MFSD8: variants seen among roughly 807,000 people sequenced by gnomAD.
MFSD8 encodes major facilitator superfamily domain-containing protein 8.
In MFSD8, 55 loss-of-function variants were observed where a neutral mutation model predicts 66.4. The ratio of observed to expected loss-of-function variants is 0.83; its 90% CI spans 0.67 to 1.04. The LOEUF is 1.04. Ranked by LOEUF, MFSD8 falls within the 50% of genes least tolerant of loss-of-function variation. The pLI, the probability that MFSD8 is intolerant of heterozygous loss-of-function variation, is 0.00. For missense variants in MFSD8, 550 were observed against 627.6 expected (o/e 0.88, Z 1.32); for synonymous variants, 202 against 212.8 (o/e 0.95, Z 0.44).
intron 5 of MFSD8, among the ~76,000 whole-genome samples, 164 bp from the exon 6 acceptor site, chr4:127,940,161 A>G (rs1739915764): frequency 6.6e-6 from 1 of 152,142 alleles, no homozygotes; most frequent in Admixed American, 6.6e-5. Context: ...GGGTCAAAAA[A>G]TTTCCTCTTT....
intron 3 of MFSD8, among the ~76,000 whole-genome samples, chr4:127,948,926 G>C (rs1459967743): frequency 6.6e-6 from 1 of 152,138 alleles, no homozygotes; most frequent in Non-Finnish European, 1.5e-5. Flanking sequence ...AAATTATCTG[G>C]TTTAGGGTAT....
intron 2 of MFSD8, among the ~76,000 whole-genome samples, chr4:127,952,059 T>G (rs536964695): frequency 1.3e-5 from 2 of 152,030 alleles, no homozygotes; most frequent in Non-Finnish European, 2.9e-5. Flanking sequence ...TCATCCATGG[T>G]GTACATGTAC....
At position 127,920,561 on chromosome 4, in the gene MFSD8, A is replaced by G; in HGVS notation, c.*69T>C. 3 of 1,510,136 alleles carry G rather than the reference A, an allele frequency of 2.0e-6. No homozygotes were observed. The highest frequency in any genetic ancestry group is 2.8e-6 in the Non-Finnish European group (3 of 1,088,942). The allele number at this position is 1,510,136 out of a possible 1,614,324, so 93.5% of individuals were successfully genotyped here. On this transcript the variant is annotated 3_prime_UTR_variant, in exon 12 of 12. Transcript: ENST00000641686. ...GATTCTTGGAGACTGGCTCACCGCA[A>G]TTGTCTAGCAGAGCTTTAGACCAGG...
In MFSD8 at chr4:127,943,709, G is replaced by C. The variant is rs771684464; in HGVS notation, c.439+43C>G. On this transcript the variant is annotated intron_variant, in intron 4 of 11. Coordinates refer to ENST00000641686, the MANE Select transcript of MFSD8 (RefSeq NM_001371596.2). The stretch of plus-strand genomic sequence containing the variant: ...AAAAGTGAGCCATAAATGTCAGAAT[G>C]AATGTGAATATGACACAACCAAACA... The C allele has an allele frequency of 2.5e-6, 4 of 1,612,876 alleles. No individual in the cohort carries two copies. In the Admixed American group the frequency reaches 6.7e-5, roughly 27 times the overall value.
intron 11 of MFSD8, 42 bp from the exon 12 acceptor site, chr4:127,920,878 G>A: frequency 6.3e-7 from 1 of 1,577,442 alleles, no homozygotes; most frequent in African/African-American, 1.3e-5. Context: ...TGATATTGGG[G>A]TTTAGTTATT....
chr4:127,943,674 G>A (rs1310023942), intron 4 of MFSD8, 78 bp downstream of exon 4: 17 of 1,535,094 alleles, frequency 1.1e-5, no homozygotes, highest in Non-Finnish European at 4.5e-6. Flanking sequence ...AAAAGGGGAT[G>A]AGACCAGTTA....
At chr4:127,944,328 T>G (rs1031140392) in intron 3 of MFSD8, among the ~76,000 whole-genome samples, 1 of 152,192 alleles carries the variant, frequency 6.6e-6, no homozygotes, top group East Asian at 1.9e-4. Context: ...TAAGCTATTC[T>G]TTAATTCTTG....
chr4:127,922,021 T>C, intron 9 of MFSD8, 58 bp from the exon 10 acceptor site: 1 of 1,406,030 alleles, frequency 7.1e-7, no homozygotes, highest in Non-Finnish European at 9.9e-7. Context: ...ATAGCTTCAT[T>C]ACTTTCATAA....
chr4:127,961,630 C>A (rs1443299141), intron 1 of MFSD8, among the ~76,000 whole-genome samples: 1 of 151,756 alleles, frequency 6.6e-6, no homozygotes, highest in Non-Finnish European at 1.5e-5. Flanking sequence ...CTGGCTAACA[C>A]GGTGAAACCC....
At position 127,921,869 on chromosome 4, in the gene MFSD8, G is replaced by A. The variant is rs904329013; in HGVS notation, c.1093C>T (p.Gln365Ter). The change falls in exon 10 of 12, where the codon CAG (glutamine) becomes TAG (stop). Residue 365 changes from glutamine (Q) to a stop codon, truncating the protein, a stop_gained. Transcript: ENST00000641686. LOFTEE classifies it high-confidence loss of function. ...LPWGNQFPKI[Q>*]WEDLHNNSIP... ...TTATGTATGGCTATACCTTCCCACT[G>A]TATTTTGGGAAATTGATTTCCCCAA... 1 of 1,613,824 alleles carries A rather than the reference G, an allele frequency of 6.2e-7. No individual in the cohort carries two copies. The highest frequency in any genetic ancestry group is 1.3e-5 in the African/African-American group (1 of 74,902).
Position 127,940,534 on chromosome 4 carries a change from ATATATG to A in MFSD8, c.554-543_554-538del, listed in dbSNP as rs1228784842. On this transcript the variant is annotated intron_variant, in intron 5 of 11. Coordinates refer to ENST00000641686, the MANE Select transcript of MFSD8 (RefSeq NM_001371596.2). ...GTATATGGTATATATATATATATAT[ATATATG>A]TGTGTGTGTGTATATATTTATTATC... Among the ~76,000 whole-genome samples, 140 of 145,774 alleles carry A rather than the reference ATATATG, an allele frequency of 9.6e-4. 1 individual carries two copies. The highest frequency in any genetic ancestry group is 3.4e-3 in the African/African-American group (133 of 38,842).
chr4:127,937,279 T>C (rs1739245535), intron 7 of MFSD8, among the ~76,000 whole-genome samples: 1 of 152,242 alleles, frequency 6.6e-6, no homozygotes, highest in Non-Finnish European at 1.5e-5. Context: ...CATATTCAGC[T>C]TGATCCAAAT....
At chr4:127,956,501 A>G (rs902702552) in intron 2 of MFSD8, among the ~76,000 whole-genome samples, 9 of 137,982 alleles carry the variant, frequency 6.5e-5, no homozygotes, top group African/African-American at 1.9e-4. Flanking sequence ...CTCCGTCTTG[A>G]AAAAAAAAAA....
chr4:127,944,623 G>C (rs1740736196), intron 3 of MFSD8, among the ~76,000 whole-genome samples: 1 of 152,018 alleles, frequency 6.6e-6, no homozygotes, highest in Non-Finnish European at 1.5e-5. Flanking sequence ...CAGAAAAATA[G>C]AAAATGTTAG....
chr4:127,950,214 T>C (rs1741714364), intron 2 of MFSD8, among the ~76,000 whole-genome samples: 1 of 152,146 alleles, frequency 6.6e-6, no homozygotes, highest in South Asian at 2.1e-4. Context: ...CCTGTGTTGT[T>C]TGGAGGAGAT....
chr4:127,947,595 CAGAG>C (rs1021236241), intron 3 of MFSD8, among the ~76,000 whole-genome samples: 3 of 130,892 alleles, frequency 2.3e-5, no homozygotes, highest in Non-Finnish European at 4.9e-5. Context: ...AAAAAAAAAA[CAGAG>C]AGAGAGAGAA....
chr4:127,961,218 T>C (rs1048869037), intron 1 of MFSD8, among the ~76,000 whole-genome samples: 1 of 151,796 alleles, frequency 6.6e-6, no homozygotes, highest in Admixed American at 6.6e-5. Context: ...TGTACATAGG[T>C]TCACTTTACT....
chr4:127,929,083 A>T (rs1261151722), intron 9 of MFSD8, among the ~76,000 whole-genome samples: 1 of 151,988 alleles, frequency 6.6e-6, no homozygotes, highest in Non-Finnish European at 1.5e-5. Flanking sequence ...GCACTTTGGG[A>T]GGCTGAGGCG....
chr4:127,942,680 A>G (rs1043487657), intron 4 of MFSD8, among the ~76,000 whole-genome samples: 7 of 152,008 alleles, frequency 4.6e-5, no homozygotes, highest in Non-Finnish European at 1.0e-4. Flanking sequence ...AAAAAAAAAA[A>G]GAATATCAAA....
Sources: gnomAD v4.1 joint callset for allele counts (sites outside exome capture counted in the v4.1 genomes callset) on GRCh38, gnomAD v4.1.1 for gene constraint, MANE v1.5 for transcripts, NCBI Gene and HGNC (gene_info 2026-07-23, HGNC 2026-07-21) for gene names.